The following ABCA3 variants were observed in gnomAD, a reference collection of about 807,000 sequenced individuals.
ABCA3 encodes ATP binding cassette subfamily A member 3.
Under a neutral mutation model 172.8 loss-of-function variants are expected in ABCA3, and 88 were observed. The observed-to-expected ratio is 0.51, with a 90% CI of 0.43 to 0.61. ABCA3 has a LOEUF of 0.61. ABCA3 is among the 20% of genes least tolerant of loss of function. The pLI is 0.00. For missense variants in ABCA3, 2,164 were observed against 2,301.0 expected (o/e 0.94, Z 1.22); for synonymous variants, 1,066 against 983.8 (o/e 1.08, Z -1.56).
chr16:2,326,171 T>G lies in ABCA3; in HGVS notation c.158A>C (p.Asn53Thr). 1 of 1,613,980 alleles carries G rather than the reference T, an allele frequency of 6.2e-7. No individual in the cohort carries two copies. Among genetic ancestry groups the G allele is most frequent in the South Asian group, 1.1e-5 (1 of 91,078 alleles). ...GGACTGGCCCGGGTAGATGGTGGCG[T>G]TGGGCACATTTTCCGACTGAATCTT... ...RLKIQSENVPNATIYPGQSIQ... is the reference protein window; with the variant it reads ...RLKIQSENVPTATIYPGQSIQ... The change falls in exon 5 of 33, where the codon AAC (asparagine) becomes ACC (threonine). Residue 53 changes from asparagine to threonine, a missense_variant. Asn to Thr is a moderately conservative substitution (Grantham distance 65). Transcript: ENST00000301732.
At chr16:2,333,253 T>C (rs1412076050) in intron 1 of ABCA3, among the ~76,000 whole-genome samples, 1 of 152,158 alleles carries the variant, frequency 6.6e-6, no homozygotes, top group African/African-American at 2.4e-5. Context: ...GTTCCTGTTG[T>C]ATTCTGAGCT....
chr16:2,281,284 G>A lies in ABCA3; in HGVS notation c.4165-63C>T, dbSNP rs2093654734. 1.2e-6 allele frequency: 2 copies of A among 1,613,006 alleles called. No homozygotes were observed. Among genetic ancestry groups the A allele is most frequent in the Non-Finnish European group, 1.7e-6 (2 of 1,179,844 alleles). On this transcript the variant is annotated intron_variant, in intron 27 of 32. Coordinates refer to ENST00000301732, the MANE Select transcript of ABCA3 (RefSeq NM_001089.3). The surrounding 1 kb of genome is among the most constrained non-coding windows in gnomAD (Gnocchi z 4.7). Reference sequence around the variant, plus strand: ...CTGGACGCAAAGCAGAGCAGTCTGAGCCTCAGCGCCGAAAGCTTCCAGGGA... The same window carrying A: ...CTGGACGCAAAGCAGAGCAGTCTGAACCTCAGCGCCGAAAGCTTCCAGGGA...
At chr16:2,326,624 C>A (rs867326465) in intron 3 of ABCA3, 132 bp from the exon 4 acceptor site, 10 of 967,940 alleles carry the variant, frequency 1.0e-5, no homozygotes, top group African/African-American at 6.5e-5. Context: ...ACTCCAAACA[C>A]CCCTGGAGGG....
In ABCA3 at chr16:2,284,164, C is replaced by T. The variant is rs2093659207; in HGVS notation, c.3862+115G>A. 1 of 1,338,218 alleles carries T rather than the reference C, an allele frequency of 7.5e-7. No homozygotes were observed. Among genetic ancestry groups the T allele is most frequent in the Non-Finnish European group, 1.0e-6 (1 of 990,536 alleles). The allele number at this position is 1,338,218 out of a possible 1,614,324, so 82.9% of individuals were successfully genotyped here. On this transcript the variant is annotated intron_variant, in intron 25 of 32. Transcript: ENST00000301732. The surrounding 1 kb of genome is among the most constrained non-coding windows in gnomAD (Gnocchi z 5.9). The stretch of plus-strand genomic sequence containing the variant: ...TGGGGCAAGGCGGTACAGAGGAACG[C>T]ACCAGCCCCAGGCCACTCAGACGCA...
intron 15 of ABCA3, 86 bp from the exon 16 acceptor site, chr16:2,298,007 T>A: frequency 7.9e-7 from 1 of 1,259,910 alleles, no homozygotes; most frequent in Non-Finnish European, 1.1e-6. Context: ...GAGGAACCTC[T>A]CCTTGACGTA....
In ABCA3 at chr16:2,297,541, T is replaced by A; in HGVS notation, c.2053-2A>T. The A allele has an allele frequency of 6.2e-7, 1 of 1,611,994 alleles. No homozygotes were observed. The highest frequency in any genetic ancestry group is 8.5e-7 in the Non-Finnish European group (1 of 1,179,850). Reference sequence around the variant, plus strand: ...GGTGGGCTCGTCCAGTATCAGCACCTGGAGGGAGAGACACAGTCTCGCGAC... The same window carrying A: ...GGTGGGCTCGTCCAGTATCAGCACCAGGAGGGAGAGACACAGTCTCGCGAC... On this transcript the variant is annotated splice_acceptor_variant, in intron 16 of 32. Transcript: ENST00000301732. LOFTEE classifies it high-confidence loss of function. The surrounding 1 kb of genome is among the most constrained non-coding windows in gnomAD (Gnocchi z 5.6).
At chr16:2,301,832 G>A (rs899019822) in intron 12 of ABCA3, among the ~76,000 whole-genome samples, 1 of 152,228 alleles carries the variant, frequency 6.6e-6, no homozygotes, top group Admixed American at 6.5e-5. Flanking sequence ...TGGTTTGTTG[G>A]GAGCAAGCCC....
rs748821098 is a variant in ABCA3 at position 2,319,634 on chromosome 16, T to C, written c.820A>G (p.Thr274Ala). The part of the protein sequence containing the change: ...PLLLLLSFTY[T>A]ALTIARAVVQ... Reference sequence around the variant, plus strand: ...ACAGCACGGGCAATGGTGAGCGCGGTGTAGGTGAAGCTGAGCAGCAGCAGC... The same window carrying C: ...ACAGCACGGGCAATGGTGAGCGCGGCGTAGGTGAAGCTGAGCAGCAGCAGC... Residue 274 changes from threonine (T) to alanine (A), a missense_variant, in exon 8 of 33, where the codon ACC becomes GCC. Physicochemically the swap from Thr to Ala is moderately conservative, Grantham distance 58 (BLOSUM62 0). Transcript: ENST00000301732. The C allele has an allele frequency of 4.9e-5, 79 of 1,613,170 alleles. No homozygotes were observed. The highest frequency in any genetic ancestry group is 6.6e-5 in the Non-Finnish European group (78 of 1,179,942).
intron 20 of ABCA3, 61 bp from the exon 21 acceptor site, chr16:2,288,390 C>T (rs1467447921): frequency 6.6e-7 from 1 of 1,511,892 alleles, no homozygotes; most frequent in Non-Finnish European, 8.8e-7. Context: ...CTGACCCCCA[C>T]CCACCTGCGG....
intron 28 of ABCA3, among the ~76,000 whole-genome samples, chr16:2,280,313 T>TC (rs1046506625): frequency 1.3e-5 from 2 of 152,210 alleles, no homozygotes; most frequent in Admixed American, 6.5e-5. Flanking sequence ...TATGTGCTTG[T>TC]CCCCCCATGG....
At position 2,284,019 on chromosome 16, in the gene ABCA3, T is replaced by C. The variant is rs1263522994; in HGVS notation, c.3862+260A>G. The C allele has an allele frequency of 1.8e-5, 8 of 449,264 alleles. No individual in the cohort carries two copies. In the East Asian group the frequency reaches 3.4e-4, roughly 19 times the overall value. 27.8% of individuals were successfully genotyped at this position (449,264 alleles called of 1,614,324 possible). ...TGAGCCATGGGGGATTCACTCCTCGTGCTAAGCGCTGGTCTGTGGTTCCTT... is the reference window on the plus strand; with the variant it reads ...TGAGCCATGGGGGATTCACTCCTCGCGCTAAGCGCTGGTCTGTGGTTCCTT... On this transcript the variant is annotated intron_variant, in intron 25 of 32. Transcript: ENST00000301732. This position sits in a 1 kb window ranked among gnomAD's most constrained non-coding sequence, Gnocchi z 5.9.
chr16:2,311,064 C>T (rs2093705910), intron 10 of ABCA3, among the ~76,000 whole-genome samples: 1 of 152,034 alleles, frequency 6.6e-6, no homozygotes, highest in African/African-American at 2.4e-5. Flanking sequence ...ACGTCTACCT[C>T]CTGGGTTCAA....
Position 2,319,608 on chromosome 16 carries a change from G to T in ABCA3, c.846C>A (p.Val282=). 6.2e-7 allele frequency: 1 copy of T among 1,612,992 alleles called. No homozygotes were observed. Residue 282 remains valine, a synonymous_variant, in exon 8 of 33, where the codon GTC becomes GTA. Coordinates refer to ENST00000301732, the MANE Select transcript of ABCA3 (RefSeq NM_001089.3). The part of the protein sequence containing the change: ...TYTALTIARA[V]VQEKERRLKE... ...TCAGCCTCCTTTCCTTCTCCTGCAC[G>T]ACAGCACGGGCAATGGTGAGCGCGG...
At chr16:2,311,214 C>T (rs894824466) in intron 10 of ABCA3, among the ~76,000 whole-genome samples, 1 of 151,564 alleles carries the variant, frequency 6.6e-6, no homozygotes, top group Non-Finnish European at 1.5e-5. Flanking sequence ...CCTCGTGATC[C>T]GCCTGCCTCG....
rs754199908 is a variant in ABCA3 at position 2,285,562 on chromosome 16, G to A, written c.3363C>T (p.Ser1121=). The A allele has an allele frequency of 3.5e-5, 56 of 1,582,090 alleles. No individual in the cohort carries two copies. The East Asian group carries it at 9.2e-4, about 26-fold the overall frequency. Residue 1121 remains serine, a synonymous_variant, in exon 23 of 33, where the codon AGC becomes AGT. Transcript: ENST00000301732. The surrounding 1 kb of genome is among the most constrained non-coding windows in gnomAD (Gnocchi z 4.7). ...CATGCTTGGCCTGCACGGCCCTCTC[G>A]CTGACCGCCAGGATGGAGAACGTGC... The part of the protein sequence containing the change: ...LASTFSILAV[S]ERAVQAKHVQ...
At chr16:2,329,441 C>T (rs1446911881) in intron 2 of ABCA3, among the ~76,000 whole-genome samples, 4 of 152,150 alleles carry the variant, frequency 2.6e-5, no homozygotes, top group Non-Finnish European at 5.9e-5. Flanking sequence ...TCTGCCTCTA[C>T]CAAGTGAGGA....
At chr16:2,301,184 T>C (rs2093688803) in intron 12 of ABCA3, among the ~76,000 whole-genome samples, 1 of 145,856 alleles carries the variant, frequency 6.9e-6, no homozygotes, top group South Asian at 2.1e-4. Context: ...TGAGCCGAGA[T>C]GGCACCACTG....
At chr16:2,298,623 T>C (rs986669512) in intron 14 of ABCA3, 83 bp from the exon 15 acceptor site, 2 of 1,531,380 alleles carry the variant, frequency 1.3e-6, no homozygotes, top group African/African-American at 1.5e-5. Context: ...ACCCCCTCTC[T>C]GTCTCCCCTA....
chr16:2,339,784 T>A (rs754114421), intron 1 of ABCA3, among the ~76,000 whole-genome samples: 1 of 152,354 alleles, frequency 6.6e-6, no homozygotes, highest in East Asian at 1.9e-4. Flanking sequence ...CATGGCTTCA[T>A]CTGTGCGACA....
Sources: allele counts gnomAD v4.1 joint callset (sites outside exome capture counted in the v4.1 genomes callset), GRCh38; gene constraint gnomAD v4.1.1; non-coding constraint Gnocchi (gnomAD v3.1); transcripts MANE v1.5; gene names NCBI Gene and HGNC (gene_info 2026-07-23, HGNC 2026-07-21).